The following PCDHGA6 variants were observed in gnomAD, a reference collection of about 807,000 sequenced individuals.
PCDHGA6 encodes protocadherin gamma-A6.
A neutral mutation model predicts 60.6 loss-of-function variants in PCDHGA6; 41 were observed. The ratio of observed to expected loss-of-function variants is 0.68; its 90% CI spans 0.53 to 0.88. The LOEUF is 0.88. Ranked by LOEUF, PCDHGA6 falls within the 40% of genes least tolerant of loss-of-function variation. The probability of loss-of-function intolerance (pLI) is 0.00; values close to 1 mark genes in which losing one functional copy is unlikely to be tolerated. For synonymous variants in PCDHGA6, 594 were observed against 524.4 expected (o/e 1.13, Z -1.81); for missense variants, 1,312 against 1,203.0 (o/e 1.09, Z -1.34).
At chr5:141,389,172 C>G (rs1276294939) in intron 1 of PCDHGA6, 1 of 1,614,036 alleles carries the variant, frequency 6.2e-7, no homozygotes, top group Non-Finnish European at 8.5e-7. Flanking sequence ...CAAGCCTCCC[C>G]TCTCCTCCAG....
rs767521224 is a variant in PCDHGA6 at position 141,431,148 on chromosome 5, C to T, written c.2424+54641C>T. 3.7e-6 allele frequency: 6 copies of T among 1,614,146 alleles called. No homozygotes were observed. Among genetic ancestry groups the T allele is most frequent in the Admixed American group, 1.7e-5 (1 of 60,030 alleles). On this transcript the variant is annotated intron_variant, in intron 1 of 3. Coordinates refer to ENST00000517434, the MANE Select transcript of PCDHGA6 (RefSeq NM_018919.3). The surrounding 1 kb of genome is among the most constrained non-coding windows in gnomAD (Gnocchi z 4.8). Reference sequence around the variant, plus strand: ...GAAGTAAGGGACATTAACGACAATGCGCCTTACTTTCGTGAAAGTGAATTA... The same window carrying T: ...GAAGTAAGGGACATTAACGACAATGTGCCTTACTTTCGTGAAAGTGAATTA...
At chr5:141,383,596 G>T in intron 1 of PCDHGA6, 1 of 1,613,702 alleles carries the variant, frequency 6.2e-7, no homozygotes, top group Non-Finnish European at 8.5e-7. Context: ...GGTGACAGTG[G>T]TGGATGTGAA....
chr5:141,478,026 C>T (rs1192406949), intron 1 of PCDHGA6: 2 of 1,614,062 alleles, frequency 1.2e-6, no homozygotes, highest in East Asian at 2.2e-5. Flanking sequence ...GTCCAAGACA[C>T]AGATTCACCC....
chr5:141,397,639 G>A (rs1391771739), intron 1 of PCDHGA6, among the ~76,000 whole-genome samples: 2 of 152,180 alleles, frequency 1.3e-5, no homozygotes, highest in Non-Finnish European at 2.9e-5. Context: ...AGAGTTCAAG[G>A]TATGTTTGCA....
In PCDHGA6 at chr5:141,374,754, G is replaced by C. The variant is rs1770811216; in HGVS notation, c.671G>C (p.Ser224Thr). The C allele has an allele frequency of 3.7e-6, 6 of 1,612,936 alleles. No individual in the cohort carries two copies. Among genetic ancestry groups the C allele is most frequent in the Non-Finnish European group, 4.2e-6 (5 of 1,179,406 alleles). ...AMDGGDPVRS[S>T]VAQILVTVLD... is the part of the protein sequence containing the mutation. ...GATGGCGGCGACCCTGTCCGCTCAA[G>C]CGTCGCCCAAATTCTGGTAACAGTT... Residue 224 changes from serine (S) to threonine (T), a missense_variant, in exon 1 of 4, where the codon AGC (serine) becomes ACC (threonine). By Grantham distance (58) the Ser-to-Thr change is moderately conservative. Transcript: ENST00000517434.
intron 1 of PCDHGA6, chr5:141,415,337 G>A: frequency 1.2e-6 from 2 of 1,614,210 alleles, no homozygotes; most frequent in Non-Finnish European, 1.7e-6. Flanking sequence ...CACAGGCTGC[G>A]GCGCTGGCAC....
chr5:141,427,978 T>C (rs750753961), intron 1 of PCDHGA6: 1 of 1,595,484 alleles, frequency 6.3e-7, no homozygotes, highest in African/African-American at 1.3e-5. Flanking sequence ...TACCCCGCGC[T>C]GGGGCCCGAT....
chr5:141,504,158 T>G (rs890874880), intron 2 of PCDHGA6, among the ~76,000 whole-genome samples: 1 of 152,222 alleles, frequency 6.6e-6, no homozygotes, highest in Non-Finnish European at 1.5e-5. Context: ...TGAAATAATT[T>G]CATCCTTGGA....
intron 2 of PCDHGA6, 160 bp from the exon 3 acceptor site, chr5:141,505,233 C>T: frequency 1.1e-6 from 1 of 872,838 alleles, no homozygotes; most frequent in Non-Finnish European, 1.4e-6. Context: ...ATTCTGGCTT[C>T]TGAAGGATTG....
At chr5:141,499,689 CT>C (rs545067566) in intron 2 of PCDHGA6, among the ~76,000 whole-genome samples, 4,434 of 119,828 alleles carry the variant, frequency 0.037, 46 homozygotes, top group African/African-American at 0.083. Context: ...TAACAGATGA[CT>C]TTTTTTTTTT....
intron 1 of PCDHGA6, chr5:141,400,276 C>T: frequency 6.2e-7 from 1 of 1,614,048 alleles, no homozygotes; most frequent in Non-Finnish European, 8.5e-7. Flanking sequence ...CTCCTCCAGC[C>T]CTGCCGCCTG....
chr5:141,421,750 C>A lies in PCDHGA6; in HGVS notation c.2424+45243C>A, dbSNP rs766529731. On this transcript the variant is annotated intron_variant, in intron 1 of 3. Coordinates refer to ENST00000517434, the MANE Select transcript of PCDHGA6 (RefSeq NM_018919.3). ...CTCCCTCCAGAGCTACCAGCTCAGC[C>A]CTAATAATTACTTTTCCTTGCAACT... 4.3e-6 allele frequency: 7 copies of A among 1,613,788 alleles called. No individual in the cohort carries two copies. Among genetic ancestry groups the A allele is most frequent in the Non-Finnish European group, 5.9e-6 (7 of 1,179,864 alleles).
intron 1 of PCDHGA6, among the ~76,000 whole-genome samples, chr5:141,382,009 A>G (rs1219907347): frequency 6.6e-6 from 1 of 151,376 alleles, no homozygotes; most frequent in African/African-American, 2.4e-5. Flanking sequence ...TTGTATTTTT[A>G]GTAGAGACGG....
chr5:141,476,619 CTT>C lies in PCDHGA6; in HGVS notation c.2425-18186_2425-18185del. Reference sequence around the variant, plus strand: ...CACGATCCCGATGTGGGAAGCAACTCTTTACAAACCTATGAGCTGAGCCGAAA... The same window carrying C: ...CACGATCCCGATGTGGGAAGCAACTCTACAAACCTATGAGCTGAGCCGAAA... On this transcript the variant is annotated intron_variant, in intron 1 of 3. Transcript: ENST00000517434. This position sits in a 1 kb window ranked among gnomAD's most constrained non-coding sequence, Gnocchi z 7.6. The C allele has an allele frequency of 1.2e-6, 2 of 1,614,258 alleles. No homozygotes were observed. The highest frequency in any genetic ancestry group is 1.7e-6 in the Non-Finnish European group (2 of 1,180,052).
rs746834673 is a variant in PCDHGA6, at chr5:141,394,045, A to G, written c.2424+17538A>G. ...AGATTAGTGACAAGGAAATATTTGG[A>G]CCGAGAAAATGTCTCTATCTACAAT... On this transcript the variant is annotated intron_variant, in intron 1 of 3. Transcript: ENST00000517434. 6 of 1,613,706 alleles carry G rather than the reference A, an allele frequency of 3.7e-6. No individual in the cohort carries two copies. The highest frequency in any genetic ancestry group is 1.6e-4 in the Middle Eastern group (1 of 6,062).
intron 1 of PCDHGA6, chr5:141,404,765 T>A: frequency 6.2e-7 from 1 of 1,613,120 alleles, no homozygotes; most frequent in Non-Finnish European, 8.5e-7. Context: ...TGCTTGGCTC[T>A]CCTACCGCCT....
intron 1 of PCDHGA6, among the ~76,000 whole-genome samples, chr5:141,402,419 A>T: frequency 6.6e-6 from 1 of 152,100 alleles, no homozygotes; most frequent in Middle Eastern, 3.2e-3. Flanking sequence ...ACACAGAAAA[A>T]ATTGAAGCAT....
chr5:141,435,733 T>C (rs950139563), intron 1 of PCDHGA6, among the ~76,000 whole-genome samples: 12 of 152,208 alleles, frequency 7.9e-5, no homozygotes, highest in African/African-American at 2.7e-4. Context: ...AGTGTATTAC[T>C]CTTTGAAAAG....
chr5:141,383,961 C>CT, intron 1 of PCDHGA6: 1 of 1,613,356 alleles, frequency 6.2e-7, no homozygotes, highest in Non-Finnish European at 8.5e-7. Context: ...CTTTAAGTAG[C>CT]TCAATCCCTG....
Sources: gnomAD v4.1 joint callset for allele counts (sites outside exome capture counted in the v4.1 genomes callset) on GRCh38, gnomAD v4.1.1 for gene constraint, Gnocchi (gnomAD v3.1) non-coding constraint, MANE v1.5 for transcripts, NCBI Gene and HGNC (gene_info 2026-07-23, HGNC 2026-07-21) for gene names.